GPC5: variants seen among roughly 807,000 people sequenced by gnomAD.
GPC5 encodes glypican-5.
Under a neutral mutation model 53.9 loss-of-function variants are expected in GPC5, and 47 were observed. The ratio of observed to expected loss-of-function variants is 0.87; its 90% CI spans 0.69 to 1.11. The LOEUF is 1.11. GPC5 is among the 50% of genes most tolerant of loss of function. GPC5 has a pLI of 0.00. For synonymous variants in GPC5, 286 were observed against 263.3 expected, an observed-to-expected ratio of 1.09 and a Z score of -0.84; for missense variants, 748 against 713.1, an observed-to-expected ratio of 1.05 and a Z score of -0.56.
intron 7 of GPC5, among the ~76,000 whole-genome samples, chr13:92,166,072 T>C (rs1391645005): frequency 1.3e-5 from 2 of 152,210 alleles, no homozygotes; most frequent in South Asian, 2.1e-4. Context: ...AATAGAAAAT[T>C]GCAGAAGAAA....
chr13:92,235,832 C>G lies in GPC5; in HGVS notation c.1561+90843C>G, dbSNP rs1395724508. 2.6e-5 allele frequency among the ~76,000 whole-genome samples: 4 copies of G among 152,054 alleles called. No individual in the cohort carries two copies. The East Asian group carries it at 7.7e-4, about 29-fold the overall frequency. On this transcript the variant is annotated intron_variant, in intron 7 of 7. Coordinates refer to ENST00000377067, the MANE Select transcript of GPC5 (RefSeq NM_004466.6). ...TTGTAGTTATCTTCTCAAAGTCCCC[C>G]TCTCACTTTTATTCTTACTATTATT...
intron 7 of GPC5, among the ~76,000 whole-genome samples, chr13:92,407,454 TAA>T (rs1410716741): frequency 2.0e-5 from 3 of 150,336 alleles, no homozygotes; most frequent in African/African-American, 4.9e-5. Context: ...TTCATTAAAT[TAA>T]AGAGACCATT....
intron 6 of GPC5, 21 bp from the exon 7 acceptor site, chr13:92,144,809 C>T (rs756569105): frequency 1.5e-5 from 24 of 1,599,770 alleles, no homozygotes; most frequent in Non-Finnish European, 1.8e-5. Context: ...TTAGTAAAGG[C>T]CTTTCTTTAT....
chr13:92,618,340 A>G (rs1884765087), intron 7 of GPC5, among the ~76,000 whole-genome samples: 1 of 152,140 alleles, frequency 6.6e-6, no homozygotes, highest in Non-Finnish European at 1.5e-5. Context: ...AAAACTAGAA[A>G]AAAGTAGTAT....
intron 7 of GPC5, among the ~76,000 whole-genome samples, chr13:92,330,824 G>A (rs901006017): frequency 3.9e-5 from 6 of 152,028 alleles, no homozygotes; most frequent in Admixed American, 1.3e-4. Flanking sequence ...TGGTGGAGCC[G>A]AGGTCAACAA....
intron 7 of GPC5, among the ~76,000 whole-genome samples, chr13:92,668,436 C>G (rs201639342): frequency 6.6e-6 from 1 of 152,132 alleles, no homozygotes; most frequent in East Asian, 1.9e-4. Flanking sequence ...AACCTTCTCA[C>G]TATTCAGTTG....
chr13:92,725,624 A>G (rs970275711), intron 7 of GPC5, among the ~76,000 whole-genome samples: 1 of 151,590 alleles, frequency 6.6e-6, no homozygotes, highest in Admixed American at 6.6e-5. Context: ...TCCAAAATGC[A>G]ACTATATAAA....
chr13:92,530,920 C>G (rs1256334658), intron 7 of GPC5, among the ~76,000 whole-genome samples: 1 of 152,128 alleles, frequency 6.6e-6, no homozygotes, highest in African/African-American at 2.4e-5. Context: ...CCCAAGTGAT[C>G]TTTTGAAAAG....
At chr13:92,845,563 T>C (rs1369993576) in intron 7 of GPC5, among the ~76,000 whole-genome samples, 1 of 152,188 alleles carries the variant, frequency 6.6e-6, no homozygotes, top group Non-Finnish European at 1.5e-5. Context: ...CCACCTACAC[T>C]AGTGAGTGCA....
intron 5 of GPC5, among the ~76,000 whole-genome samples, chr13:91,896,972 G>A (rs1347400522): frequency 6.6e-6 from 1 of 152,142 alleles, no homozygotes; most frequent in Admixed American, 6.6e-5. Flanking sequence ...TAGTTAAAGT[G>A]AGGCAAGAAC....
intron 2 of GPC5, among the ~76,000 whole-genome samples, chr13:91,563,026 C>A (rs1456366414): frequency 6.6e-6 from 1 of 152,042 alleles, no homozygotes; most frequent in Non-Finnish European, 1.5e-5. Context: ...CTATCATTTA[C>A]TATCCTGAAT....
intron 6 of GPC5, among the ~76,000 whole-genome samples, chr13:92,036,081 T>C (rs115593612): frequency 6.6e-6 from 1 of 152,202 alleles, no homozygotes; most frequent in Non-Finnish European, 1.5e-5. Context: ...CATCTTCCAG[T>C]TAAATGTGGC....
chr13:91,447,742 A>T (rs1303624541), intron 1 of GPC5, among the ~76,000 whole-genome samples: 1 of 152,174 alleles, frequency 6.6e-6, no homozygotes, highest in Non-Finnish European at 1.5e-5. Context: ...GTTGATGAAG[A>T]ACTAATGTGG....
intron 5 of GPC5, among the ~76,000 whole-genome samples, chr13:91,801,033 G>A (rs1265502102): frequency 6.6e-6 from 1 of 152,088 alleles, no homozygotes; most frequent in Non-Finnish European, 1.5e-5. Context: ...TTAAGTTTCA[G>A]TCTAGGCGCC....
intron 2 of GPC5, among the ~76,000 whole-genome samples, chr13:91,619,982 T>C (rs1479370478): frequency 6.6e-6 from 1 of 152,146 alleles, no homozygotes; most frequent in Non-Finnish European, 1.5e-5. Context: ...TTGGCCTCAA[T>C]TTTCTCATCA....
chr13:92,444,726 AAAAAAAAAAAAAAAGTCTAAACTT>A (rs1342000143), intron 7 of GPC5, among the ~76,000 whole-genome samples: 1 of 150,758 alleles, frequency 6.6e-6, no homozygotes, highest in African/African-American at 2.4e-5. Context: ...AAAAAAAAAA[AAAAAAAAAAAAAAAGTCTAAACTT>A]AAGGGATGGG....
At chr13:92,751,302 TTA>T (rs1491201505) in intron 7 of GPC5, among the ~76,000 whole-genome samples, 2,560 of 34,306 alleles carry the variant, frequency 0.075, 204 homozygotes, top group Non-Finnish European at 0.11. Flanking sequence ...CCAGAAACAT[TTA>T]AAAAAAAAAA....
chr13:92,514,553 T>C (rs1231790179), intron 7 of GPC5, among the ~76,000 whole-genome samples: 2 of 152,204 alleles, frequency 1.3e-5, no homozygotes, highest in South Asian at 2.1e-4. Context: ...CTCCCTTTCA[T>C]AGATGTGTAA....
intron 2 of GPC5, among the ~76,000 whole-genome samples, chr13:91,688,742 G>C (rs2139781391): frequency 6.6e-6 from 1 of 152,188 alleles, no homozygotes; most frequent in East Asian, 1.9e-4. Context: ...ACACACCTAG[G>C]CTATATGGTA....
Sources: allele counts gnomAD v4.1 joint callset (sites outside exome capture counted in the v4.1 genomes callset), GRCh38; gene constraint gnomAD v4.1.1; transcripts MANE v1.5; gene names NCBI Gene and HGNC (gene_info 2026-07-23, HGNC 2026-07-21).